MCM9: variants seen among roughly 807,000 people sequenced by gnomAD.
MCM9 encodes the protein minichromosome maintenance 9 homologous recombination repair factor.
MCM9 carries 55 observed loss-of-function variants against 72.8 expected under a neutral mutation model. The ratio of observed to expected loss-of-function variants is 0.76; its 90% CI spans 0.61 to 0.95. MCM9 has a LOEUF of 0.95. Among genes scored for constraint, MCM9 ranks in the 40% least tolerant of loss-of-function variants. The pLI is 0.00. For missense variants in MCM9, 1,279 were observed against 1,377.0 expected (o/e 0.93, Z 1.13); for synonymous variants, 480 against 503.4 (o/e 0.95, Z 0.62).
At position 118,822,057 on chromosome 6, in the gene MCM9, A is replaced by G. The variant is rs529251217; in HGVS notation, c.1961+4090T>C. Among the ~76,000 whole-genome samples, 5 of 152,284 alleles carry G rather than the reference A, an allele frequency of 3.3e-5. No homozygotes were observed. In the South Asian group the frequency reaches 1.0e-3, roughly 32 times the overall value. On this transcript the variant is annotated intron_variant, in intron 13 of 13. Transcript: ENST00000619706. ...TTATCAAGGTTCTTAGCTTCCTTGC[A>G]TTGGGTTAGAACATGCTCCTTTAGC...
Position 118,829,785 on chromosome 6 carries a change from ACT to A in MCM9, c.1326-537_1326-536del, listed in dbSNP as rs147127374. 8.5e-3 allele frequency among the ~76,000 whole-genome samples: 1,296 copies of A among 152,116 alleles called. 18 individuals are homozygous for A. Among genetic ancestry groups the A allele is most frequent in the African/African-American group, 0.029 (1,204 of 41,496 alleles). ...GGGGTGAGGGTAGAGAGTGAGGATG[ACT>A]CTGGAGAATAGTGAGTGGTTGAGGC... On this transcript the variant is annotated intron_variant, in intron 9 of 13. Transcript: ENST00000619706.
At chr6:118,926,647 T>C (rs1369058459) in intron 3 of MCM9, among the ~76,000 whole-genome samples, 1 of 152,246 alleles carries the variant, frequency 6.6e-6, no homozygotes, top group Non-Finnish European at 1.5e-5. Flanking sequence ...TTCCACTGTT[T>C]AGATATACCG....
At chr6:118,898,920 A>G (rs145831703) in intron 8 of MCM9, among the ~76,000 whole-genome samples, 134 of 152,250 alleles carry the variant, frequency 8.8e-4, no homozygotes, top group African/African-American at 3.1e-3. Context: ...ATGGCTTTAC[A>G]TATCATTGAC....
intron 13 of MCM9, among the ~76,000 whole-genome samples, chr6:118,818,365 G>C (rs1383085919): frequency 6.6e-6 from 1 of 152,184 alleles, no homozygotes; most frequent in Non-Finnish European, 1.5e-5. Flanking sequence ...AGTTTTCCCA[G>C]CATCATTTAT....
At chr6:118,899,149 T>G (rs1372791285) in intron 8 of MCM9, among the ~76,000 whole-genome samples, 1 of 152,166 alleles carries the variant, frequency 6.6e-6, no homozygotes, top group Non-Finnish European at 1.5e-5. Flanking sequence ...TTGCCTCAAT[T>G]ATTGAAATAT....
intron 8 of MCM9, among the ~76,000 whole-genome samples, chr6:118,904,769 CTA>C (rs1780057042): frequency 1.3e-5 from 2 of 152,220 alleles, no homozygotes; most frequent in South Asian, 2.1e-4. Context: ...AGCAAAGTAA[CTA>C]TTCATAATAG....
chr6:118,836,394 G>A (rs569074129), intron 9 of MCM9, among the ~76,000 whole-genome samples: 1 of 152,178 alleles, frequency 6.6e-6, no homozygotes, highest in East Asian at 1.9e-4. Flanking sequence ...CTTTTTCTAT[G>A]GTTTGTAATA....
At chr6:118,872,616 G>T (rs1490405297) in intron 8 of MCM9, among the ~76,000 whole-genome samples, 1 of 151,776 alleles carries the variant, frequency 6.6e-6, no homozygotes, top group Non-Finnish European at 1.5e-5. Flanking sequence ...ACATCAAGAT[G>T]CAATCTACCT....
intron 8 of MCM9, among the ~76,000 whole-genome samples, chr6:118,903,019 A>T (rs906439185): frequency 1.3e-5 from 2 of 152,250 alleles, no homozygotes; most frequent in Admixed American, 6.5e-5. Context: ...ATTATTTGAA[A>T]GGCCTGTAAG....
intron 8 of MCM9, among the ~76,000 whole-genome samples, chr6:118,890,814 G>C (rs1778895174): frequency 6.6e-6 from 1 of 152,034 alleles, no homozygotes. Context: ...ACTAACTAAA[G>C]ACCATATTAA....
At chr6:118,860,731 C>T (rs978039357) in intron 8 of MCM9, among the ~76,000 whole-genome samples, 31 of 152,148 alleles carry the variant, frequency 2.0e-4, no homozygotes, top group African/African-American at 7.0e-4. Context: ...AAACAGCTTA[C>T]CTATAGAGCA....
intron 8 of MCM9, chr6:118,907,754 A>G: frequency 1.6e-6 from 1 of 640,372 alleles, no homozygotes; most frequent in Non-Finnish European, 2.6e-6. Context: ...TAAGAAAACC[A>G]GTATTTGAAC....
chr6:118,923,463 A>G (rs1434904456), intron 4 of MCM9, among the ~76,000 whole-genome samples: 3 of 152,084 alleles, frequency 2.0e-5, no homozygotes, highest in African/African-American at 7.2e-5. Flanking sequence ...CCAATGTTTA[A>G]CCATTTAAGC....
rs1395755366 is a variant in MCM9, at chr6:118,893,055, G to GA, written c.1150+18594dup. Among the ~76,000 whole-genome samples the GA allele has an allele frequency of 3.9e-5, 6 of 152,066 alleles. No homozygotes were observed. The East Asian group carries it at 7.7e-4, about 20-fold the overall frequency. On this transcript the variant is annotated intron_variant, in intron 8 of 13. Transcript: ENST00000619706. ...GGTGGTTTCATTCACAACATTTAAG[G>GA]AAAAAAATGATGGTTTATGGCTAGC... is the stretch of plus-strand genomic sequence containing the variant.
chr6:118,924,229 G>A (rs1318103298), intron 3 of MCM9, 102 bp from the exon 4 acceptor site: 2 of 1,044,952 alleles, frequency 1.9e-6, no homozygotes, highest in African/African-American at 1.8e-5. Context: ...TTTAATTTCA[G>A]GGGGAAAAAA....
At chr6:118,825,286 C>T (rs1774092539) in intron 13 of MCM9, among the ~76,000 whole-genome samples, 1 of 152,196 alleles carries the variant, frequency 6.6e-6, no homozygotes, top group Non-Finnish European at 1.5e-5. Context: ...ATACAAAGTG[C>T]AAGTTTACTG....
rs1781069549 is a variant in MCM9, at chr6:118,917,606, C to T, written c.859G>A (p.Glu287Lys). Reference protein sequence around the residue: ...GIIMDEEVQKEFEDFWEYYKS... With the variant: ...GIIMDEEVQKKFEDFWEYYKS... ...TAGTATTCCCAAAAATCTTCGAATT[C>T]CTTTTGGACCTCCTCATCCATGATG... The change falls in exon 6 of 14, where the codon GAA (glutamate) becomes AAA (lysine). Residue 287 changes from glutamate (E) to lysine (K), a missense_variant. Coordinates refer to ENST00000619706, the MANE Select transcript of MCM9 (RefSeq NM_017696.3). The T allele has an allele frequency of 6.2e-7, 1 of 1,614,186 alleles. No individual in the cohort carries two copies. Among genetic ancestry groups the T allele is most frequent in the Non-Finnish European group, 8.5e-7 (1 of 1,180,026 alleles).
At chr6:118,819,249 T>C (rs1036482005) in intron 13 of MCM9, among the ~76,000 whole-genome samples, 10 of 152,230 alleles carry the variant, frequency 6.6e-5, no homozygotes, top group African/African-American at 2.4e-4. Context: ...TGATATTGGC[T>C]GTAGGTTTGT....
chr6:118,915,528 G>T (rs1188544820), intron 6 of MCM9, among the ~76,000 whole-genome samples: 2 of 152,094 alleles, frequency 1.3e-5, no homozygotes, highest in Non-Finnish European at 2.9e-5. Context: ...TCAGAATAAG[G>T]CCCCTAGGTT....
Sources: allele counts gnomAD v4.1 joint callset (sites outside exome capture counted in the v4.1 genomes callset), GRCh38; gene constraint gnomAD v4.1.1; transcripts MANE v1.5; gene names NCBI Gene and HGNC (gene_info 2026-07-23, HGNC 2026-07-21).